The following TMEM154 variants were observed in gnomAD, a reference collection of about 807,000 sequenced individuals.
TMEM154 encodes transmembrane protein 154.
TMEM154 carries 27 observed loss-of-function variants against 24.5 expected under a neutral mutation model. The observed-to-expected ratio is 1.10, with a 90% CI of 0.81 to 1.52. The LOEUF (loss-of-function observed/expected upper bound fraction) is 1.52. Ranked by LOEUF, TMEM154 falls within the 40% of genes most tolerant of loss-of-function variation. The probability of loss-of-function intolerance (pLI) is 0.00; values close to 1 mark genes in which losing one functional copy is unlikely to be tolerated. For synonymous variants in TMEM154, 67 were observed against 76.8 expected (o/e 0.87, Z 0.67); for missense variants, 228 against 213.4 (o/e 1.07, Z -0.43).
intron 1 of TMEM154, among the ~76,000 whole-genome samples, chr4:152,653,142 C>T (rs868555586): frequency 4.6e-5 from 7 of 152,194 alleles, no homozygotes; most frequent in Non-Finnish European, 7.4e-5. Flanking sequence ...CAGAGAAAAA[C>T]CTTGCACAAA....
At chr4:152,642,623 A>T in intron 5 of TMEM154, among the ~76,000 whole-genome samples, 1 of 152,156 alleles carries the variant, frequency 6.6e-6, no homozygotes, top group East Asian at 1.9e-4. Context: ...AACACTCAAT[A>T]TTTTTTAATT....
chr4:152,649,410 T>G (rs1728330920), intron 3 of TMEM154, among the ~76,000 whole-genome samples: 1 of 152,228 alleles, frequency 6.6e-6, no homozygotes, highest in Non-Finnish European at 1.5e-5. Flanking sequence ...CTGAATACTC[T>G]CAAAGTGGGT....
At chr4:152,646,391 T>A (rs1397696888) in intron 3 of TMEM154, among the ~76,000 whole-genome samples, 1 of 152,170 alleles carries the variant, frequency 6.6e-6, no homozygotes, top group Non-Finnish European at 1.5e-5. Context: ...CCCTGCTCCA[T>A]GGCTATTACC....
intron 6 of TMEM154, among the ~76,000 whole-genome samples, 200 bp downstream of exon 6, chr4:152,640,728 G>A (rs1192945315): frequency 6.6e-6 from 1 of 152,176 alleles, no homozygotes. Context: ...AAGATAAAGA[G>A]TCCTAGGATA....
intron 5 of TMEM154, 94 bp from the exon 6 acceptor site, chr4:152,641,079 C>T: frequency 1.6e-6 from 2 of 1,236,594 alleles, no homozygotes; most frequent in Non-Finnish European, 2.2e-6. Flanking sequence ...GTTCTCTGAT[C>T]TGCGTGGTTA....
intron 6 of TMEM154, among the ~76,000 whole-genome samples, chr4:152,633,100 C>T (rs944276926): frequency 2.6e-5 from 4 of 152,226 alleles, no homozygotes; most frequent in African/African-American, 9.6e-5. Flanking sequence ...CCAAAACAAA[C>T]TTTAAATTTC....
chr4:152,646,688 T>A (rs1212088434), intron 3 of TMEM154: 3 of 407,578 alleles, frequency 7.4e-6, no homozygotes, highest in Non-Finnish European at 1.3e-5. Flanking sequence ...CAGTTCCTAC[T>A]TCCCCCCCAC....
intron 1 of TMEM154, among the ~76,000 whole-genome samples, chr4:152,667,421 GT>G (rs33962560): frequency 0.14 from 21,019 of 149,914 alleles, 2,364 homozygotes; most frequent in African/African-American, 0.31. Context: ...CATGTTTATA[GT>G]TTTTTTTTTG....
At chr4:152,634,251 G>A (rs1016544492) in intron 6 of TMEM154, among the ~76,000 whole-genome samples, 1 of 152,104 alleles carries the variant, frequency 6.6e-6, no homozygotes, top group African/African-American at 2.4e-5. Context: ...GTCAGGATTA[G>A]ATAAGTCATC....
chr4:152,676,725 G>A (rs913654646), intron 1 of TMEM154, among the ~76,000 whole-genome samples: 3 of 152,208 alleles, frequency 2.0e-5, no homozygotes, highest in African/African-American at 7.2e-5. Flanking sequence ...GTGTCAGAAT[G>A]TGTAGCCTTA....
chr4:152,629,532 A>C (rs1285561872), intron 6 of TMEM154, among the ~76,000 whole-genome samples: 2 of 152,186 alleles, frequency 1.3e-5, no homozygotes, highest in Non-Finnish European at 2.9e-5. Flanking sequence ...CAGCTCCACC[A>C]AGTCTCCTGG....
chr4:152,644,390 A>T lies in TMEM154; in HGVS notation c.392+25T>A, dbSNP rs772180402. 3.1e-6 allele frequency: 5 copies of T among 1,613,936 alleles called. No homozygotes were observed. The Admixed American group carries it at 8.3e-5, about 27-fold the overall frequency. The stretch of plus-strand genomic sequence containing the variant: ...CAGTTGCTGTTCACACCCCAGGTGG[A>T]TCAGAAGCAGCAGGGAAAACTTACA... On this transcript the variant is annotated intron_variant, in intron 4 of 6. Coordinates refer to ENST00000304385, the MANE Select transcript of TMEM154 (RefSeq NM_152680.3).
At chr4:152,644,024 G>C (rs559010650) in intron 4 of TMEM154, among the ~76,000 whole-genome samples, 1 of 151,900 alleles carries the variant, frequency 6.6e-6, no homozygotes, top group South Asian at 2.1e-4. Context: ...CTTCGACCAG[G>C]GCTCCCTGCT....
chr4:152,629,880 G>A (rs1752001171), intron 6 of TMEM154, among the ~76,000 whole-genome samples: 1 of 152,152 alleles, frequency 6.6e-6, no homozygotes, highest in Non-Finnish European at 1.5e-5. Context: ...TCCATGAAAG[G>A]GCAGGAGACA....
intron 1 of TMEM154, among the ~76,000 whole-genome samples, chr4:152,661,293 TCTCTCTC>T (rs1728599612): frequency 1.6e-5 from 1 of 61,752 alleles, no homozygotes; most frequent in Non-Finnish European, 3.6e-5. Context: ...TTTCTCTCTC[TCTCTCTC>T]TCTCTCTCTC....
intron 6 of TMEM154, 22 bp from the exon 7 acceptor site, chr4:152,628,583 AAAAAAAAAACAAAAAAAAC>A (rs1751962647): frequency 4.7e-5 from 53 of 1,116,274 alleles, no homozygotes; most frequent in Non-Finnish European, 5.4e-5. Flanking sequence ...AAAAAAAAAA[AAAAAAAAAACAAAAAAAAC>A]ACACACACAC....
chr4:152,642,849 C>T (rs112270487), intron 5 of TMEM154, among the ~76,000 whole-genome samples: 13 of 152,228 alleles, frequency 8.5e-5, no homozygotes, highest in African/African-American at 1.9e-4. Context: ...GAATAAAATA[C>T]CATTTTCTGC....
intron 1 of TMEM154, among the ~76,000 whole-genome samples, chr4:152,663,723 CATGTGAATGATGAAACTAAGCTGCA>C (rs1381261910): frequency 6.6e-6 from 1 of 152,250 alleles, no homozygotes; most frequent in African/African-American, 2.4e-5. Context: ...AGTGGTCAGT[CATGTGAATGATGAAACTAAGCTGCA>C]ATACTTCACT....
rs1388324984 is a variant in TMEM154 at position 152,622,414 on chromosome 4, GATGCATA to G, written c.*6125_*6131del. On this transcript the variant is annotated 3_prime_UTR_variant, in exon 7 of 7. Transcript: ENST00000304385. ...AATTAAAAGAACTTTTCCTTAGAAA[GATGCATA>G]ATTCACCTCTACTCTTAGTAAATAA... 2.0e-5 allele frequency: 3 copies of G among 152,052 alleles called. No individual in the cohort carries two copies. Among genetic ancestry groups the G allele is most frequent in the African/African-American group, 7.2e-5 (3 of 41,412 alleles). The allele number at this position is 152,052 out of a possible 1,614,324, so 9.4% of individuals were successfully genotyped here.
Sources: gnomAD v4.1 joint callset for allele counts (sites outside exome capture counted in the v4.1 genomes callset) on GRCh38, gnomAD v4.1.1 for gene constraint, MANE v1.5 for transcripts, NCBI Gene and HGNC (gene_info 2026-07-23, HGNC 2026-07-21) for gene names.